TMEM106A: variants seen among roughly 807,000 people sequenced by gnomAD.
The protein encoded by TMEM106A is transmembrane protein 106A.
In TMEM106A, 22 loss-of-function variants were observed where a neutral mutation model predicts 25.1. The observed-to-expected ratio is 0.88, with a 90% confidence interval of 0.63 to 1.25. The LOEUF (loss-of-function observed/expected upper bound fraction) is 1.25. TMEM106A is among the 50% of genes most tolerant of loss of function. The pLI, the probability that TMEM106A is intolerant of heterozygous loss-of-function variation, is 0.00. For synonymous variants in TMEM106A, 104 were observed against 129.9 expected (o/e 0.80, Z 1.35); for missense variants, 275 against 318.1 (o/e 0.86, Z 1.03).
chr17:43,217,812 G>C lies in TMEM106A; in HGVS notation c.*11G>C, dbSNP rs756099915. The C allele has an allele frequency of 4.3e-6, 7 of 1,613,978 alleles. No individual in the cohort carries two copies. The East Asian group carries it at 1.3e-4, about 31-fold the overall frequency. ...CCTCACCCACCATGACCTGTCTGCT[G>C]TCCCTGTACTCCAGGCACCTGCAAC... On this transcript the variant is annotated 3_prime_UTR_variant, in exon 9 of 9. Coordinates refer to ENST00000612339, the MANE Select transcript of TMEM106A (RefSeq NM_145041.4).
chr17:43,217,042 T>C, intron 7 of TMEM106A: 1 of 635,314 alleles, frequency 1.6e-6, no homozygotes, highest in Non-Finnish European at 2.8e-6. Context: ...GGGTCCAGCA[T>C]GTGCCTGGGC....
intron 5 of TMEM106A, among the ~76,000 whole-genome samples, 174 bp from the exon 6 acceptor site, chr17:43,216,275 G>A (rs1036120411): frequency 2.6e-5 from 4 of 152,326 alleles, no homozygotes; most frequent in Admixed American, 1.3e-4. Flanking sequence ...ACTTCGTAAA[G>A]TTGACCCCTC....
chr17:43,216,016 C>A, intron 5 of TMEM106A, 75 bp downstream of exon 5: 3 of 1,561,832 alleles, frequency 1.9e-6, no homozygotes, highest in South Asian at 1.2e-5. Context: ...GTGTTATGAC[C>A]CTGGGCATGG....
intron 4 of TMEM106A, among the ~76,000 whole-genome samples, chr17:43,214,338 A>G (rs959321669): frequency 6.6e-6 from 1 of 152,150 alleles, no homozygotes; most frequent in East Asian, 1.9e-4. Context: ...TCTCCAAGAC[A>G]GGAAGGATCT....
chr17:43,213,014 T>C lies in TMEM106A; in HGVS notation c.-21-7T>C. 6.2e-7 allele frequency: 1 copy of C among 1,612,800 alleles called. No individual in the cohort carries two copies. The highest frequency in any genetic ancestry group is 8.5e-7 in the Non-Finnish European group (1 of 1,178,904). On this transcript the variant is annotated splice_region_variant and splice_polypyrimidine_tract_variant and intron_variant, in intron 2 of 8. Coordinates refer to ENST00000612339, the MANE Select transcript of TMEM106A (RefSeq NM_145041.4). ...CTTAGCACTGAACTTTGGTCTTTTC[T>C]CATTAGTGAAACCCCCGCCCCTGAA... is the stretch of plus-strand genomic sequence containing the variant.
chr17:43,215,763 C>A, intron 4 of TMEM106A, 25 bp from the exon 5 acceptor site: 1 of 1,612,328 alleles, frequency 6.2e-7, no homozygotes, highest in South Asian at 1.1e-5. Context: ...TCCATTCCTC[C>A]ATCCTGGGTC....
chr17:43,213,813 C>G lies in TMEM106A; in HGVS notation c.212-15C>G, dbSNP rs1187111221. ...GTTGCATCTTGGCCCTCCCTCTCAC[C>G]TTCTCTCTCTCTAGAGCTGGAGAAG... On this transcript the variant is annotated splice_polypyrimidine_tract_variant and intron_variant, in intron 3 of 8. Transcript: ENST00000612339. 2 of 1,613,810 alleles carry G rather than the reference C, an allele frequency of 1.2e-6. No homozygotes were observed. Among genetic ancestry groups the G allele is most frequent in the Admixed American group, 1.7e-5 (1 of 59,984 alleles).
chr17:43,218,248 C>T lies in TMEM106A; in HGVS notation c.*447C>T. ...CACCTTAGATTCCCTGGAGTGGCAC[C>T]TGGCCTTTCTGTACTGAGCACCTGG... On this transcript the variant is annotated 3_prime_UTR_variant, in exon 9 of 9. Coordinates refer to ENST00000612339, the MANE Select transcript of TMEM106A (RefSeq NM_145041.4). The T allele has an allele frequency of 5.2e-6, 1 of 190,672 alleles. No homozygotes were observed. Among genetic ancestry groups the T allele is most frequent in the South Asian group, 1.0e-4 (1 of 9,942 alleles). The allele number at this position is 190,672 out of a possible 1,614,324, so 11.8% of individuals were successfully genotyped here.
intron 3 of TMEM106A, 46 bp downstream of exon 3, chr17:43,213,298 T>G (rs1397387930): frequency 6.2e-7 from 1 of 1,606,360 alleles, no homozygotes; most frequent in African/African-American, 1.3e-5. Context: ...CCAGGGAAAG[T>G]TCTTAGCCTG....
At chr17:43,216,054 G>A (rs1187675731) in intron 5 of TMEM106A, 113 bp downstream of exon 5, 9 of 1,387,764 alleles carry the variant, frequency 6.5e-6, no homozygotes, top group Non-Finnish European at 8.9e-6. Context: ...GGCACCCAGA[G>A]GGTGTTGGGA....
chr17:43,213,317 G>A, intron 3 of TMEM106A, 65 bp downstream of exon 3: 1 of 1,569,020 alleles, frequency 6.4e-7, no homozygotes, highest in Non-Finnish European at 8.8e-7. Flanking sequence ...TGTTGGCCTG[G>A]GGCAGCCCCT....
At chr17:43,213,549 G>T (rs1307835915) in intron 3 of TMEM106A, among the ~76,000 whole-genome samples, 1 of 152,208 alleles carries the variant, frequency 6.6e-6, no homozygotes, top group Non-Finnish European at 1.5e-5. Flanking sequence ...AGTTACAAAT[G>T]AACTTTCCAA....
chr17:43,214,044 T>C, intron 4 of TMEM106A, 153 bp downstream of exon 4: 2 of 762,486 alleles, frequency 2.6e-6, no homozygotes, highest in Non-Finnish European at 4.2e-6. Context: ...CGTCCAAGGA[T>C]TTTTTCCTGA....
chr17:43,215,660 TA>T (rs2057477932), intron 4 of TMEM106A, 127 bp from the exon 5 acceptor site: 3 of 1,007,806 alleles, frequency 3.0e-6, no homozygotes, highest in African/African-American at 1.6e-5. Context: ...TCTGGGGAGC[TA>T]AATGTTGTTG....
chr17:43,218,081 C>A lies in TMEM106A; in HGVS notation c.*280C>A, dbSNP rs1188506754. The A allele has an allele frequency of 1.7e-5, 6 of 363,286 alleles. No individual in the cohort carries two copies. The highest frequency in any genetic ancestry group is 8.4e-4 in the Middle Eastern group (1 of 1,186). The allele number at this position is 363,286 out of a possible 1,614,324, so 22.5% of individuals were successfully genotyped here. On this transcript the variant is annotated 3_prime_UTR_variant, in exon 9 of 9. Transcript: ENST00000612339. ...TTTTTTTTTGGTAGAGACAGAGTCT[C>A]ACTGTTGGTCCAGGTTGGTTTTGAA...
Position 43,213,871 on chromosome 17 carries a change from G to A in TMEM106A, c.255G>A (p.Gln85=). The A allele has an allele frequency of 6.2e-7, 1 of 1,614,172 alleles. No individual in the cohort carries two copies. Among genetic ancestry groups the A allele is most frequent in the Non-Finnish European group, 8.5e-7 (1 of 1,180,016 alleles). The change falls in exon 4 of 9, where the codon CAG becomes CAA. Residue 85 remains glutamine, a synonymous_variant. Coordinates refer to ENST00000612339, the MANE Select transcript of TMEM106A (RefSeq NM_145041.4). ...TGGCTCTCATTCCCTATGGGGACCAGAGGCTGAAGCCCAAGCACACGTAAG... is the reference window on the plus strand; with the variant it reads ...TGGCTCTCATTCCCTATGGGGACCAAAGGCTGAAGCCCAAGCACACGTAAG... ...QLVALIPYGD[Q]RLKPKHTKLF... is the part of the protein sequence containing the mutation.
At position 43,217,323 on chromosome 17, in the gene TMEM106A, C is replaced by T. The variant is rs1295846353; in HGVS notation, c.668+11C>T. On this transcript the variant is annotated intron_variant, in intron 8 of 8. Transcript: ENST00000612339. Reference sequence around the variant, plus strand: ...GCTTTTGCACATCCAGTAAGTAGAGCTTGGAGCTCTGGTATCCCTGCTCTC... The same window carrying T: ...GCTTTTGCACATCCAGTAAGTAGAGTTTGGAGCTCTGGTATCCCTGCTCTC... 1 of 1,614,078 alleles carries T rather than the reference C, an allele frequency of 6.2e-7. No individual in the cohort carries two copies. The highest frequency in any genetic ancestry group is 8.5e-7 in the Non-Finnish European group (1 of 1,179,900).
Position 43,213,032 on chromosome 17 carries a change from C to T in TMEM106A, c.-10C>T, listed in dbSNP as rs2057449575. ...TCTTTTCTCATTAGTGAAACCCCCG[C>T]CCCTGAAGAATGGGTAAGACGTTTT... On this transcript the variant is annotated 5_prime_UTR_variant, in exon 3 of 9. Transcript: ENST00000612339. 6.2e-7 allele frequency: 1 copy of T among 1,613,966 alleles called. No individual in the cohort carries two copies. The highest frequency in any genetic ancestry group is 1.7e-5 in the Admixed American group (1 of 59,996).
At chr17:43,215,457 T>G (rs928843001) in intron 4 of TMEM106A, among the ~76,000 whole-genome samples, 4 of 152,286 alleles carry the variant, frequency 2.6e-5, no homozygotes, top group Middle Eastern at 3.4e-3. Flanking sequence ...TGATTAGTAT[T>G]TTTTCATATA....
Sources: allele counts gnomAD v4.1 joint callset (sites outside exome capture counted in the v4.1 genomes callset), GRCh38; gene constraint gnomAD v4.1.1; transcripts MANE v1.5; gene names NCBI Gene and HGNC (gene_info 2026-07-23, HGNC 2026-07-21).